The following ARHGAP8 variants were observed in gnomAD, a reference collection of about 807,000 sequenced individuals.
ARHGAP8 encodes Rho GTPase activating protein 8.
ARHGAP8 carries 62 observed loss-of-function variants against 46.1 expected under a neutral mutation model. The ratio of observed to expected loss-of-function variants is 1.34; its 90% CI spans 1.10 to 1.66. The LOEUF is 1.66. Ranked by LOEUF, ARHGAP8 falls within the 40% of genes most tolerant of loss-of-function variation. The pLI, the probability that ARHGAP8 is intolerant of heterozygous loss-of-function variation, is 0.00. For synonymous variants in ARHGAP8, 375 were observed against 243.1 expected, an observed-to-expected ratio of 1.54 and a Z score of -5.05; for missense variants, 923 against 568.4, an observed-to-expected ratio of 1.62 and a Z score of -6.34.
chr22:44,823,007 G>T (rs2147118213), intron 6 of ARHGAP8, among the ~76,000 whole-genome samples: 1 of 152,362 alleles, frequency 6.6e-6, no homozygotes, highest in African/African-American at 2.4e-5. Flanking sequence ...TCCAGCCTGG[G>T]TCTCTGGACC....
At chr22:44,811,860 G>A (rs1929357076) in intron 4 of ARHGAP8, among the ~76,000 whole-genome samples, 2 of 152,056 alleles carry the variant, frequency 1.3e-5, no homozygotes, top group African/African-American at 2.4e-5. Context: ...AGCCAGGCGT[G>A]GTGGTGCACG....
At chr22:44,818,451 A>AAAAAAAAAAG in intron 5 of ARHGAP8, among the ~76,000 whole-genome samples, 1 of 108,106 alleles carries the variant, frequency 9.3e-6, no homozygotes, top group South Asian at 3.1e-4. Flanking sequence ...CTCCAGTCTC[A>AAAAAAAAAAG]AAAAAAAAAA....
chr22:44,764,051 A>G (rs1230036669), intron 1 of ARHGAP8, among the ~76,000 whole-genome samples: 1 of 152,010 alleles, frequency 6.6e-6, no homozygotes, highest in Non-Finnish European at 1.5e-5. Flanking sequence ...TGACCTCATG[A>G]TCCGCCCACC....
intron 9 of ARHGAP8, 106 bp from the exon 10 acceptor site, chr22:44,848,826 G>T (rs2070024019): frequency 6.4e-7 from 1 of 1,557,082 alleles, no homozygotes; most frequent in African/African-American, 1.3e-5. Context: ...CCAGCATCAG[G>T]TGCGTCCCAT....
At chr22:44,787,808 CAGTT>C (rs1927368561) in intron 2 of ARHGAP8, among the ~76,000 whole-genome samples, 1 of 151,482 alleles carries the variant, frequency 6.6e-6, no homozygotes, top group South Asian at 2.1e-4. Flanking sequence ...AGTTCTCAAA[CAGTT>C]AAAGACCCCA....
At chr22:44,843,681 A>G (rs1225766462) in intron 7 of ARHGAP8, among the ~76,000 whole-genome samples, 2 of 151,988 alleles carry the variant, frequency 1.3e-5, no homozygotes, top group Admixed American at 6.6e-5. Flanking sequence ...ATTAACTGGC[A>G]TGGCATGGTG....
intron 7 of ARHGAP8, among the ~76,000 whole-genome samples, chr22:44,834,307 A>G (rs1472933055): frequency 1.3e-5 from 2 of 152,120 alleles, no homozygotes; most frequent in East Asian, 3.8e-4. Context: ...CAATAGATGT[A>G]TCTGTTAGTG....
intron 11 of ARHGAP8, among the ~76,000 whole-genome samples, chr22:44,860,152 G>A (rs1464785770): frequency 4.6e-5 from 7 of 152,126 alleles, no homozygotes; most frequent in East Asian, 3.9e-4. Context: ...TGAGTCTCTA[G>A]GAGGTGGGAG....
intron 11 of ARHGAP8, among the ~76,000 whole-genome samples, chr22:44,860,715 C>A (rs372272977): frequency 6.6e-6 from 1 of 152,042 alleles, no homozygotes; most frequent in Non-Finnish European, 1.5e-5. Context: ...GTGCTCTCCC[C>A]CTGGGGCAGG....
intron 10 of ARHGAP8, among the ~76,000 whole-genome samples, chr22:44,852,264 C>G (rs183779848): frequency 1.3e-5 from 2 of 150,340 alleles, no homozygotes; most frequent in African/African-American, 4.9e-5. Flanking sequence ...TGGTTCAGCC[C>G]GAATGTTTTG....
At chr22:44,804,792 C>T (rs575030442) in intron 3 of ARHGAP8, among the ~76,000 whole-genome samples, 1 of 152,286 alleles carries the variant, frequency 6.6e-6, no homozygotes, top group Admixed American at 6.5e-5. Flanking sequence ...TGAGAGTCCC[C>T]CCAATATATG....
intron 9 of ARHGAP8, among the ~76,000 whole-genome samples, chr22:44,848,261 G>A (rs372486133): frequency 6.6e-6 from 1 of 152,236 alleles, no homozygotes; most frequent in Admixed American, 6.5e-5. Context: ...AACCCCACTG[G>A]GACATGGTGG....
chr22:44,789,360 A>G lies in ARHGAP8; in HGVS notation c.79+2754A>G, dbSNP rs996736069. Among the ~76,000 whole-genome samples, 6 of 152,206 alleles carry G rather than the reference A, an allele frequency of 3.9e-5. No individual in the cohort carries two copies. The South Asian group carries it at 1.2e-3, about 32-fold the overall frequency. ...GAGACAGGGTTTTGCCATGTTGGCC[A>G]GGCTGGTCTCAAACTCCTGACCTCA... On this transcript the variant is annotated intron_variant, in intron 2 of 11. Coordinates refer to ENST00000356099, the MANE Select transcript of ARHGAP8 (RefSeq NM_181335.3).
intron 8 of ARHGAP8, among the ~76,000 whole-genome samples, chr22:44,846,959 G>A (rs1016985436): frequency 7.2e-5 from 11 of 152,314 alleles, no homozygotes; most frequent in Non-Finnish European, 1.0e-4. Flanking sequence ...TGGCCATGCC[G>A]TGTGACAGAA....
chr22:44,852,897 G>C (rs2070131920), intron 10 of ARHGAP8, among the ~76,000 whole-genome samples: 1 of 152,170 alleles, frequency 6.6e-6, no homozygotes, highest in Non-Finnish European at 1.5e-5. Context: ...CCACCTCCCA[G>C]GTTCAAGCCT....
At chr22:44,816,516 C>G (rs73889797) in intron 5 of ARHGAP8, among the ~76,000 whole-genome samples, 2,228 of 152,264 alleles carry the variant, frequency 0.015, 63 homozygotes, top group African/African-American at 0.051. Context: ...TTGGGCACAT[C>G]GAGAGCTACT....
chr22:44,768,087 C>T (rs1416857974), intron 1 of ARHGAP8, among the ~76,000 whole-genome samples: 1 of 142,038 alleles, frequency 7.0e-6, no homozygotes, highest in Non-Finnish European at 1.5e-5. Context: ...GCAACCTCCA[C>T]CTCCCGAGTT....
chr22:44,754,779 C>T (rs5765956), intron 1 of ARHGAP8, among the ~76,000 whole-genome samples: 75,630 of 151,876 alleles, frequency 0.5, 19,328 homozygotes, highest in Non-Finnish European at 0.55. Flanking sequence ...GAGTTAAAGG[C>T]GGCTTCGGTT....
chr22:44,764,885 C>T (rs1357490623), intron 1 of ARHGAP8, among the ~76,000 whole-genome samples: 1 of 152,162 alleles, frequency 6.6e-6, no homozygotes, highest in Non-Finnish European at 1.5e-5. Flanking sequence ...GAGGGGCTCC[C>T]GGGGCTCACC....
Sources: allele counts gnomAD v4.1 joint callset (sites outside exome capture counted in the v4.1 genomes callset), GRCh38; gene constraint gnomAD v4.1.1; transcripts MANE v1.5; gene names NCBI Gene and HGNC (gene_info 2026-07-23, HGNC 2026-07-21).